PITPNM2: variants seen among roughly 807,000 people sequenced by gnomAD.
PITPNM2 encodes phosphatidylinositol transfer protein membrane associated 2.
A neutral mutation model predicts 132.2 loss-of-function variants in PITPNM2; 35 were observed. The ratio of observed to expected loss-of-function variants is 0.26; its 90% CI spans 0.20 to 0.35. The LOEUF (loss-of-function observed/expected upper bound fraction) is 0.35, where lower values mean the gene tolerates loss of function less well. Among genes scored for constraint, PITPNM2 ranks in the 10% least tolerant of loss-of-function variants. PITPNM2 has a pLI of 1.00. For synonymous variants in PITPNM2, 738 were observed against 799.2 expected, an observed-to-expected ratio of 0.92 and a Z score of 1.29; for missense variants, 1,332 against 1,912.0, an observed-to-expected ratio of 0.70 and a Z score of 5.66.
chr12:122,989,720 G>T, intron 18 of PITPNM2, 67 bp downstream of exon 18: 1 of 1,320,090 alleles, frequency 7.6e-7, no homozygotes, highest in Non-Finnish European at 9.8e-7. Context: ...GGTGGGCAGA[G>T]CCTGGCAGTG....
Position 122,987,895 on chromosome 12 carries a change from T to G in PITPNM2, c.3004A>C (p.Thr1002Pro), listed in dbSNP as rs1449259137. ...KRTHVKLRNV[T>P]ANHRINDALA... ...GCATCATTGATCCGGTGGTTGGCCGTCACGTTCTGTGGAGGGAGTGGCAAG... is the reference window on the plus strand; with the variant it reads ...GCATCATTGATCCGGTGGTTGGCCGGCACGTTCTGTGGAGGGAGTGGCAAG... Residue 1002 changes from threonine (T) to proline (P), a missense_variant, in exon 21 of 26, where the codon ACG becomes CCG. Coordinates refer to ENST00000320201, the MANE Select transcript of PITPNM2 (RefSeq NM_020845.3). 1 of 1,610,356 alleles carries G rather than the reference T, an allele frequency of 6.2e-7. No individual in the cohort carries two copies. Among genetic ancestry groups the G allele is most frequent in the Non-Finnish European group, 8.5e-7 (1 of 1,178,058 alleles).
intron 2 of PITPNM2, among the ~76,000 whole-genome samples, chr12:123,085,584 T>C (rs895656969): frequency 2.6e-5 from 4 of 152,026 alleles, no homozygotes; most frequent in African/African-American, 4.8e-5. Flanking sequence ...TGGAAATGGA[T>C]AGGGGTGATG....
Position 123,063,980 on chromosome 12 carries a change from C to A in PITPNM2, c.-95-29295G>T, listed in dbSNP as rs77571482. ...TCAATGTAAAGCACCCAGCACACAA[C>A]ACCCAAGCAACAGCAGCAGCCGCTA... On this transcript the variant is annotated intron_variant, in intron 2 of 25. Transcript: ENST00000320201. 5.9e-5 allele frequency among the ~76,000 whole-genome samples: 9 copies of A among 152,002 alleles called. No homozygotes were observed. In the East Asian group the frequency reaches 1.5e-3, roughly 26 times the overall value.
At chr12:122,989,327 G>A (rs925104200) in intron 18 of PITPNM2, among the ~76,000 whole-genome samples, 2 of 152,164 alleles carry the variant, frequency 1.3e-5, no homozygotes, top group Non-Finnish European at 2.9e-5. Context: ...TCGCACCTGG[G>A]CCACCCTACG....
chr12:123,045,772 G>C (rs2136586653), intron 2 of PITPNM2, among the ~76,000 whole-genome samples: 1 of 152,318 alleles, frequency 6.6e-6, no homozygotes, highest in South Asian at 2.1e-4. Flanking sequence ...AGTCCAGAGA[G>C]GCACAAACGC....
At chr12:123,112,538 C>CA (rs1310128219) in intron 1 of PITPNM2, among the ~76,000 whole-genome samples, 2 of 140,098 alleles carry the variant, frequency 1.4e-5, no homozygotes, top group East Asian at 4.1e-4. Context: ...CTTCAATATA[C>CA]TTTTTTTTTT....
chr12:123,131,322 A>C (rs76205535), intron 1 of PITPNM2, among the ~76,000 whole-genome samples: 4,995 of 152,274 alleles, frequency 0.033, 132 homozygotes, highest in East Asian at 0.15. Flanking sequence ...GGTTGGAATT[A>C]TGTGTCTTCA....
At chr12:123,096,950 G>A (rs2042425962) in intron 2 of PITPNM2, among the ~76,000 whole-genome samples, 1 of 152,208 alleles carries the variant, frequency 6.6e-6, no homozygotes, top group Non-Finnish European at 1.5e-5. Flanking sequence ...GTGCCACTGT[G>A]CTTAGTGCAA....
intron 8 of PITPNM2, among the ~76,000 whole-genome samples, chr12:123,002,753 C>T (rs376144880): frequency 6.6e-6 from 1 of 152,114 alleles, no homozygotes; most frequent in South Asian, 2.1e-4. Context: ...TCATGGGGTA[C>T]ACAGTGATGT....
chr12:123,039,302 A>T (rs2040379751), intron 2 of PITPNM2, among the ~76,000 whole-genome samples: 1 of 152,190 alleles, frequency 6.6e-6, no homozygotes, highest in African/African-American at 2.4e-5. Context: ...AGAAAAAATT[A>T]TCTGATGTTG....
intron 23 of PITPNM2, 121 bp from the exon 24 acceptor site, chr12:122,986,950 A>G: frequency 7.9e-7 from 1 of 1,268,344 alleles, no homozygotes; most frequent in African/African-American, 1.5e-5. Context: ...CTCAGACAGT[A>G]ACGACGACAA....
intron 2 of PITPNM2, among the ~76,000 whole-genome samples, chr12:123,104,273 A>G (rs527707440): frequency 5.3e-5 from 8 of 152,288 alleles, no homozygotes; most frequent in Admixed American, 2.0e-4. Context: ...ACAGGCTCGC[A>G]GCCCCCACAC....
chr12:123,138,721 C>T (rs1279061289), intron 1 of PITPNM2, among the ~76,000 whole-genome samples: 1 of 152,106 alleles, frequency 6.6e-6, no homozygotes, highest in Non-Finnish European at 1.5e-5. Context: ...TGTAGGGTCT[C>T]CTTCTGGAGT....
At chr12:123,027,856 C>A (rs2136387060) in intron 3 of PITPNM2, among the ~76,000 whole-genome samples, 2 of 152,352 alleles carry the variant, frequency 1.3e-5, no homozygotes, top group South Asian at 4.1e-4. Flanking sequence ...TCTGGCTCCC[C>A]ACCAGTGATG....
In PITPNM2 at chr12:123,004,385, C is replaced by T; in HGVS notation, c.1048+9G>A. 2 of 1,613,658 alleles carry T rather than the reference C, an allele frequency of 1.2e-6. No homozygotes were observed. Among genetic ancestry groups the T allele is most frequent in the Non-Finnish European group, 8.5e-7 (1 of 1,179,906 alleles). ...AGGCCCCAAGGACTGCAGAGCGCTGCCTGCCTACCGTGCGCATCGAAGAAC... is the reference window on the plus strand; with the variant it reads ...AGGCCCCAAGGACTGCAGAGCGCTGTCTGCCTACCGTGCGCATCGAAGAAC... On this transcript the variant is annotated intron_variant, in intron 8 of 25. Transcript: ENST00000320201. The surrounding 1 kb of genome is among the most constrained non-coding windows in gnomAD (Gnocchi z 4.9).
chr12:123,081,680 C>G (rs1204401787), intron 2 of PITPNM2: 1 of 152,226 alleles, frequency 6.6e-6, no homozygotes, highest in Non-Finnish European at 1.5e-5. Flanking sequence ...AGCCCAGGGT[C>G]CCGACCCCAC....
At chr12:123,096,323 G>C (rs915878628) in intron 2 of PITPNM2, among the ~76,000 whole-genome samples, 4 of 152,218 alleles carry the variant, frequency 2.6e-5, no homozygotes, top group African/African-American at 9.6e-5. Flanking sequence ...GGCCACAGAA[G>C]AGGAATGGGC....
intron 1 of PITPNM2, among the ~76,000 whole-genome samples, chr12:123,127,632 C>T (rs11057163): frequency 0.1 from 14,488 of 140,056 alleles, 2,422 homozygotes; most frequent in African/African-American, 0.37. Flanking sequence ...TTTTTTGAGA[C>T]GGAGTCTCGC....
Position 123,000,257 on chromosome 12 carries a change from A to G in PITPNM2, c.1224+521T>C. ...TCTGACGGCCCGCAGGTGGAGGAGG[A>G]TGGGGCATGAACTCCCACAGAGAAC... On this transcript the variant is annotated intron_variant, in intron 10 of 25. Transcript: ENST00000320201. This position sits in a 1 kb window ranked among gnomAD's most constrained non-coding sequence, Gnocchi z 5.4. The G allele has an allele frequency of 1.7e-6, 1 of 603,378 alleles. No homozygotes were observed. Among genetic ancestry groups the G allele is most frequent in the Non-Finnish European group, 3.0e-6 (1 of 338,054 alleles). The allele number at this position is 603,378 out of a possible 1,614,324, so 37.4% of individuals were successfully genotyped here. A position where few individuals can be genotyped will look rare whatever the true frequency, so the allele number is the denominator to read the frequency against.
Sources: allele counts gnomAD v4.1 joint callset (sites outside exome capture counted in the v4.1 genomes callset), GRCh38; gene constraint gnomAD v4.1.1; non-coding constraint Gnocchi (gnomAD v3.1); transcripts MANE v1.5; gene names NCBI Gene and HGNC (gene_info 2026-07-23, HGNC 2026-07-21).